The following ASTN2 variants were observed in gnomAD, a reference collection of about 807,000 sequenced individuals.
The protein encoded by ASTN2 is astrotactin 2.
Under a neutral mutation model 139.8 loss-of-function variants are expected in ASTN2, and 54 were observed. The ratio of observed to expected loss-of-function variants is 0.39; its 90% CI spans 0.31 to 0.48. ASTN2 has a LOEUF of 0.48. Ranked by LOEUF, ASTN2 falls within the 20% of genes least tolerant of loss-of-function variation. The pLI is 0.95. For synonymous variants in ASTN2, 756 were observed against 719.5 expected (o/e 1.05, Z -0.81); for missense variants, 1,565 against 1,725.1 (o/e 0.91, Z 1.64).
At chr9:116,856,331 T>C (rs987985665) in intron 11 of ASTN2, among the ~76,000 whole-genome samples, 2 of 152,222 alleles carry the variant, frequency 1.3e-5, no homozygotes, top group Non-Finnish European at 1.5e-5. Context: ...CTAGATCCCA[T>C]GGAGGCTCAG....
intron 1 of ASTN2, among the ~76,000 whole-genome samples, chr9:117,377,782 T>A (rs1650641283): frequency 6.6e-6 from 1 of 152,050 alleles, no homozygotes; most frequent in African/African-American, 2.4e-5. Context: ...ATGATATGGA[T>A]CCAAATATTC....
intron 13 of ASTN2, among the ~76,000 whole-genome samples, chr9:116,797,624 A>G (rs1270611631): frequency 6.6e-6 from 1 of 152,226 alleles, no homozygotes; most frequent in Non-Finnish European, 1.5e-5. Flanking sequence ...AGGCTTGGGA[A>G]TAGCCTTGAA....
At chr9:116,665,588 G>C (rs144195602) in intron 16 of ASTN2, among the ~76,000 whole-genome samples, 4 of 152,070 alleles carry the variant, frequency 2.6e-5, no homozygotes, top group Non-Finnish European at 2.9e-5. Flanking sequence ...AGGAACAAAG[G>C]ATACTTGGAA....
At chr9:117,160,858 GAC>G (rs1381311765) in intron 3 of ASTN2, among the ~76,000 whole-genome samples, 1 of 152,024 alleles carries the variant, frequency 6.6e-6, no homozygotes, top group African/African-American at 2.4e-5. Flanking sequence ...TTTTGTGAGA[GAC>G]ACAGTGGGAT....
At chr9:116,694,023 T>G (rs1860707815) in intron 16 of ASTN2, among the ~76,000 whole-genome samples, 1 of 152,178 alleles carries the variant, frequency 6.6e-6, no homozygotes, top group Non-Finnish European at 1.5e-5. Context: ...TGCCTCATGC[T>G]TTAGTGAGGG....
At chr9:117,305,876 CAT>C (rs1834986376) in intron 1 of ASTN2, among the ~76,000 whole-genome samples, 1 of 152,186 alleles carries the variant, frequency 6.6e-6, no homozygotes, top group African/African-American at 2.4e-5. Flanking sequence ...AGAACCAGCA[CAT>C]GTCTGTGCTC....
rs536667733 is a variant in ASTN2 at position 116,796,887 on chromosome 9, C to T, written c.2396+8745G>A. 3.8e-4 allele frequency among the ~76,000 whole-genome samples: 58 copies of T among 152,256 alleles called. 1 individual carries two copies. The highest frequency in any genetic ancestry group is 6.8e-3 in the Middle Eastern group (2 of 294). ...AATGCAGTGGTGCCATCATGGCTCA[C>T]GGCAGCCTTAAATTCCTGGGCTCTA... On this transcript the variant is annotated intron_variant, in intron 13 of 22. Coordinates refer to ENST00000313400, the MANE Select transcript of ASTN2 (RefSeq NM_001365068.1).
chr9:117,062,748 A>C (rs1326860065), intron 5 of ASTN2, among the ~76,000 whole-genome samples: 1 of 152,206 alleles, frequency 6.6e-6, no homozygotes, highest in Non-Finnish European at 1.5e-5. Flanking sequence ...CTATATAGAA[A>C]TACAGAAGAC....
intron 5 of ASTN2, among the ~76,000 whole-genome samples, chr9:117,087,114 G>A (rs915513996): frequency 3.3e-5 from 5 of 152,220 alleles, no homozygotes; most frequent in African/African-American, 1.2e-4. Flanking sequence ...GGATGGTGAC[G>A]TGAAAAGCTG....
chr9:117,379,115 C>G (rs1459378764), intron 1 of ASTN2, among the ~76,000 whole-genome samples: 1 of 152,136 alleles, frequency 6.6e-6, no homozygotes, highest in Non-Finnish European at 1.5e-5. Flanking sequence ...AACTGTAAGA[C>G]AATTAAACCT....
chr9:116,875,841 T>C (rs1257143651), intron 10 of ASTN2, among the ~76,000 whole-genome samples: 2 of 152,230 alleles, frequency 1.3e-5, no homozygotes, highest in East Asian at 3.9e-4. Context: ...GTTTACAGCA[T>C]GGTTTACTGA....
Position 116,815,960 on chromosome 9 carries a change from C to T in ASTN2, c.2207+4657G>A, listed in dbSNP as rs114508114. 2.7e-3 allele frequency among the ~76,000 whole-genome samples: 410 copies of T among 152,128 alleles called. 2 individuals are homozygous for T. The highest frequency in any genetic ancestry group is 0.01 in the Middle Eastern group (3 of 294). On this transcript the variant is annotated intron_variant, in intron 12 of 22. Coordinates refer to ENST00000313400, the MANE Select transcript of ASTN2 (RefSeq NM_001365068.1). ...AAAAAAACTACAACTTTCCTTTTCT[C>T]ATACAAGGACAACTATATAATCCAC...
At chr9:117,064,680 G>T (rs563118936) in intron 5 of ASTN2, among the ~76,000 whole-genome samples, 1 of 152,086 alleles carries the variant, frequency 6.6e-6, no homozygotes, top group Non-Finnish European at 1.5e-5. Context: ...GAAGGGATGA[G>T]AAATTACATG....
intron 5 of ASTN2, among the ~76,000 whole-genome samples, chr9:117,067,651 C>G (rs1827992490): frequency 7.0e-6 from 1 of 143,360 alleles, no homozygotes; most frequent in African/African-American, 2.6e-5. Flanking sequence ...ATGGAATGTT[C>G]TTCCATTTGT....
chr9:117,187,570 T>C (rs2132959808), intron 3 of ASTN2, among the ~76,000 whole-genome samples: 1 of 152,290 alleles, frequency 6.6e-6, no homozygotes, highest in Non-Finnish European at 1.5e-5. Flanking sequence ...TGGGTTGTCA[T>C]GAGAATAGGT....
chr9:116,740,335 A>C (rs1483081028), intron 13 of ASTN2, among the ~76,000 whole-genome samples: 1 of 151,586 alleles, frequency 6.6e-6, no homozygotes, highest in Non-Finnish European at 1.5e-5. Context: ...CTTGGGATCT[A>C]GTGATAGAAA....
chr9:116,572,967 C>T (rs1296349890), intron 19 of ASTN2, among the ~76,000 whole-genome samples: 1 of 151,764 alleles, frequency 6.6e-6, no homozygotes, highest in Non-Finnish European at 1.5e-5. Context: ...GAGAAAGGTG[C>T]TGTGTGCACA....
intron 5 of ASTN2, among the ~76,000 whole-genome samples, chr9:117,074,199 C>G (rs533524216): frequency 1.4e-4 from 22 of 152,300 alleles, no homozygotes; most frequent in African/African-American, 5.1e-4. Context: ...ATTCCGAGCA[C>G]TAGCAATGCA....
chr9:116,455,828 A>G (rs1420318878), intron 20 of ASTN2, among the ~76,000 whole-genome samples: 1 of 152,068 alleles, frequency 6.6e-6, no homozygotes. Context: ...GGAAAATAAA[A>G]AGGAGTCCAT....
Sources: gnomAD v4.1 joint callset for allele counts (sites outside exome capture counted in the v4.1 genomes callset) on GRCh38, gnomAD v4.1.1 for gene constraint, MANE v1.5 for transcripts, NCBI Gene and HGNC (gene_info 2026-07-23, HGNC 2026-07-21) for gene names.